The following ME1 variants were observed in gnomAD, a reference collection of about 807,000 sequenced individuals.
The protein encoded by ME1 is malic enzyme 1.
ME1 carries 74 observed loss-of-function variants against 66.4 expected under a neutral mutation model. The observed-to-expected ratio is 1.11, with a 90% CI of 0.92 to 1.35. The LOEUF (loss-of-function observed/expected upper bound fraction) is 1.35, where lower values mean the gene tolerates loss of function less well. ME1 is among the 40% of genes most tolerant of loss of function. The probability of loss-of-function intolerance (pLI) is 0.00; values close to 1 mark genes in which losing one functional copy is unlikely to be tolerated. For synonymous variants in ME1, 251 were observed against 235.6 expected (o/e 1.07, Z -0.60); for missense variants, 750 against 694.1 (o/e 1.08, Z -0.90).
intron 6 of ME1, among the ~76,000 whole-genome samples, chr6:83,285,638 A>T (rs1203713886): frequency 6.6e-6 from 1 of 152,192 alleles, no homozygotes; most frequent in Non-Finnish European, 1.5e-5. Context: ...AAAGAAAGGC[A>T]TGGAGACACC....
chr6:83,313,267 T>A (rs1208391545), intron 6 of ME1, among the ~76,000 whole-genome samples: 1 of 152,210 alleles, frequency 6.6e-6, no homozygotes, highest in Non-Finnish European at 1.5e-5. Flanking sequence ...ATTTTTTTAG[T>A]CTTTGGCATT....
intron 3 of ME1, among the ~76,000 whole-genome samples, chr6:83,357,997 AGAACCCTGAC>A: frequency 7.6e-6 from 1 of 131,944 alleles, no homozygotes; most frequent in African/African-American, 2.8e-5. Context: ...GTCCCTCTAG[AGAACCCTGAC>A]TAATTCAGAT....
At chr6:83,240,760 T>C (rs1275704234) in intron 7 of ME1, among the ~76,000 whole-genome samples, 2 of 152,160 alleles carry the variant, frequency 1.3e-5, no homozygotes, top group Non-Finnish European at 2.9e-5. Flanking sequence ...GTTATGTATG[T>C]CAAGTATCAA....
intron 6 of ME1, among the ~76,000 whole-genome samples, chr6:83,307,907 CATG>C (rs1275949605): frequency 6.6e-6 from 1 of 151,998 alleles, no homozygotes; most frequent in African/African-American, 2.4e-5. Flanking sequence ...TATATCTGGC[CATG>C]ATAATTCACA....
chr6:83,302,838 A>G (rs984766484), intron 6 of ME1, among the ~76,000 whole-genome samples: 4 of 152,186 alleles, frequency 2.6e-5, no homozygotes, highest in African/African-American at 9.7e-5. Context: ...GGCAGACAGG[A>G]AGGTGAAGTG....
intron 2 of ME1, among the ~76,000 whole-genome samples, chr6:83,406,213 C>T (rs1010413018): frequency 5.3e-4 from 81 of 152,144 alleles, no homozygotes; most frequent in African/African-American, 1.9e-3. Flanking sequence ...TTTTGATGTG[C>T]TGCTGGATTC....
At chr6:83,424,193 T>C (rs1369461719) in intron 1 of ME1, among the ~76,000 whole-genome samples, 1 of 152,020 alleles carries the variant, frequency 6.6e-6, no homozygotes, top group Non-Finnish European at 1.5e-5. Flanking sequence ...ATAATACATA[T>C]AACTACAACA....
Position 83,237,804 on chromosome 6 carries a change from A to C in ME1, c.939T>G (p.Ile313Met). Reference protein sequence around the residue: ...GEAALGIAHLIVMALEKEGLP... With the variant: ...GEAALGIAHLMVMALEKEGLP... ...AACCTTCTTTTTCCAAGGCCATCAC[A>C]ATCAGGTGTGCAATCCCTAGGGCAG... The change falls in exon 9 of 14, where the codon ATT becomes ATG. Residue 313 changes from isoleucine (I) to methionine (M), a missense_variant. Physicochemically the swap from Ile to Met is conservative, Grantham distance 10 (BLOSUM62 1). Coordinates refer to ENST00000369705, the MANE Select transcript of ME1 (RefSeq NM_002395.6). 1.2e-6 allele frequency: 2 copies of C among 1,608,440 alleles called. No homozygotes were observed. Among genetic ancestry groups the C allele is most frequent in the Non-Finnish European group, 8.5e-7 (1 of 1,177,150 alleles).
chr6:83,346,032 C>A, intron 5 of ME1, 141 bp downstream of exon 5: 1 of 583,042 alleles, frequency 1.7e-6, no homozygotes, highest in Non-Finnish European at 2.8e-6. Context: ...TTTCTTACAA[C>A]AGTAAAGGGC....
chr6:83,218,345 T>G (rs963125007), intron 12 of ME1, among the ~76,000 whole-genome samples: 1 of 152,166 alleles, frequency 6.6e-6, no homozygotes, highest in Non-Finnish European at 1.5e-5. Flanking sequence ...CCCCTCTTCT[T>G]GGTGCATGCT....
intron 6 of ME1, among the ~76,000 whole-genome samples, chr6:83,305,390 G>T (rs921130548): frequency 1.3e-5 from 2 of 152,102 alleles, no homozygotes; most frequent in African/African-American, 4.8e-5. Context: ...GGAGAGCCAG[G>T]GTGGGGAGAA....
chr6:83,373,736 C>T (rs1269912093), intron 3 of ME1, among the ~76,000 whole-genome samples: 1 of 152,124 alleles, frequency 6.6e-6, no homozygotes, highest in East Asian at 1.9e-4. Flanking sequence ...GCCCTGCATG[C>T]ACTAGCTATT....
At chr6:83,411,066 T>A (rs942260793) in intron 1 of ME1, among the ~76,000 whole-genome samples, 2 of 152,172 alleles carry the variant, frequency 1.3e-5, no homozygotes, top group Admixed American at 6.5e-5. Flanking sequence ...CAAGTTAAAA[T>A]CCTAGGATTG....
intron 6 of ME1, among the ~76,000 whole-genome samples, chr6:83,300,610 CTTTTTT>C (rs35205380): frequency 1.2e-3 from 99 of 84,968 alleles, no homozygotes; most frequent in African/African-American, 4.2e-3. Context: ...TTCTTTCTTT[CTTTTTT>C]TTTTTTTTTT....
Position 83,211,737 on chromosome 6 carries a change from G to T in ME1, c.*187C>A. 2.4e-6 allele frequency: 1 copy of T among 420,200 alleles called. No individual in the cohort carries two copies. The highest frequency in any genetic ancestry group is 4.1e-6 in the Non-Finnish European group (1 of 243,104). 26.0% of individuals were successfully genotyped at this position (420,200 alleles called of 1,614,324 possible). Reference sequence around the variant, plus strand: ...AAACCATAAATAACCAGAAGGCAAAGTGAAGCAAAATTGTCTCATGTGATG... The same window carrying T: ...AAACCATAAATAACCAGAAGGCAAATTGAAGCAAAATTGTCTCATGTGATG... On this transcript the variant is annotated 3_prime_UTR_variant, in exon 14 of 14. Coordinates refer to ENST00000369705, the MANE Select transcript of ME1 (RefSeq NM_002395.6).
chr6:83,401,583 G>A (rs1769841955), intron 2 of ME1, among the ~76,000 whole-genome samples: 1 of 152,298 alleles, frequency 6.6e-6, no homozygotes, highest in African/African-American at 2.4e-5. Context: ...GAAAGAGAAG[G>A]TTGCGAAGGA....
intron 3 of ME1, among the ~76,000 whole-genome samples, chr6:83,381,768 G>C (rs1769404603): frequency 6.6e-6 from 1 of 152,118 alleles, no homozygotes; most frequent in South Asian, 2.1e-4. Context: ...AGTCTTCTTA[G>C]TGCCCTTTCC....
chr6:83,281,356 G>A (rs368227265), intron 6 of ME1, among the ~76,000 whole-genome samples: 5 of 152,040 alleles, frequency 3.3e-5, no homozygotes, highest in East Asian at 1.9e-4. Context: ...TAAACCATTC[G>A]TTCTATAAAA....
intron 9 of ME1, among the ~76,000 whole-genome samples, chr6:83,237,355 GAA>G (rs753592100): frequency 1.7e-5 from 2 of 118,392 alleles, no homozygotes; most frequent in Admixed American, 8.3e-5. Context: ...GAAAGAAAAA[GAA>G]AGAAAGAAAG....
Sources: gnomAD v4.1 joint callset for allele counts (sites outside exome capture counted in the v4.1 genomes callset) on GRCh38, gnomAD v4.1.1 for gene constraint, MANE v1.5 for transcripts, NCBI Gene and HGNC (gene_info 2026-07-23, HGNC 2026-07-21) for gene names.